ESCO1: variants seen among roughly 807,000 people sequenced by gnomAD.
The protein encoded by ESCO1 is N-acetyltransferase ESCO1.
ESCO1 carries 33 observed loss-of-function variants against 83.5 expected under a neutral mutation model. The ratio of observed to expected loss-of-function variants is 0.40; its 90% confidence interval spans 0.30 to 0.53. The LOEUF is 0.53. Among genes scored for constraint, ESCO1 ranks in the 20% least tolerant of loss-of-function variants. ESCO1 has a pLI of 0.63. For synonymous variants in ESCO1, 332 were observed against 324.3 expected, an observed-to-expected ratio of 1.02 and a Z score of -0.25; for missense variants, 855 against 968.0, an observed-to-expected ratio of 0.88 and a Z score of 1.55.
intron 1 of ESCO1, chr18:21,593,599 G>GGGAGAC (rs2038716306): frequency 1.1e-5 from 1 of 94,612 alleles, no homozygotes. Context: ...GGAGACCGTA[G>GGGAGAC]GGAGAGGGAG....
Position 21,530,448 on chromosome 18 carries a change from A to G in ESCO1, c.2418T>C (p.Ile806=). The G allele has an allele frequency of 5.7e-6, 9 of 1,589,794 alleles. No homozygotes were observed. Among genetic ancestry groups the G allele is most frequent in the Non-Finnish European group, 7.7e-6 (9 of 1,167,618 alleles). Residue 806 remains isoleucine (I), a synonymous_variant, in exon 12 of 12, where the codon ATT becomes ATC. Coordinates refer to ENST00000269214, the MANE Select transcript of ESCO1 (RefSeq NM_052911.3). ...IYGSYLSKEE[I]AFSDPTPDGK... ...CATCAGGAGTGGGATCTGAGAAAGC[A>G]ATTTCTTCTTTGCTCAAATATGAGC...
chr18:21,592,220 G>A (rs1486804570), intron 1 of ESCO1, among the ~76,000 whole-genome samples: 2 of 150,002 alleles, frequency 1.3e-5, no homozygotes, highest in Non-Finnish European at 3.0e-5. Flanking sequence ...CCGGGCAGAG[G>A]GGCTCCTCAC....
At chr18:21,588,155 T>C (rs902165252) in intron 1 of ESCO1, among the ~76,000 whole-genome samples, 13 of 148,620 alleles carry the variant, frequency 8.7e-5, no homozygotes, top group Non-Finnish European at 1.5e-5. Context: ...CTATCAGATA[T>C]CAAGATTTAC....
At chr18:21,589,913 C>T (rs2038639708) in intron 1 of ESCO1, among the ~76,000 whole-genome samples, 1 of 151,914 alleles carries the variant, frequency 6.6e-6, no homozygotes, top group Non-Finnish European at 1.5e-5. Context: ...CTGCAAGCTC[C>T]GCCTCCCGGG....
At chr18:21,542,815 C>A (rs2037923762) in intron 8 of ESCO1, among the ~76,000 whole-genome samples, 1 of 152,216 alleles carries the variant, frequency 6.6e-6, no homozygotes, top group East Asian at 1.9e-4. Flanking sequence ...AACCACATGA[C>A]CCTCCTTACT....
chr18:21,573,728 C>G lies in ESCO1; in HGVS notation c.1116G>C (p.Lys372Asn). 6.2e-7 allele frequency: 1 copy of G among 1,614,126 alleles called. No individual in the cohort carries two copies. The highest frequency in any genetic ancestry group is 8.5e-7 in the Non-Finnish European group (1 of 1,180,012). Residue 372 changes from lysine (K) to asparagine (N), a missense_variant, in exon 4 of 12, where the codon AAG (lysine) becomes AAC (asparagine). Lys to Asn is a moderately conservative substitution (Grantham distance 94). Around this residue, in one of 2 missense-constraint regions of ESCO1, gnomAD observed 726 missense variants for 699.5 expected, o/e 1.04. Coordinates refer to ENST00000269214, the MANE Select transcript of ESCO1 (RefSeq NM_052911.3). The stretch of plus-strand genomic sequence containing the variant: ...TTCCATTTAGTATACATTTCACAGG[C>G]TTTGTTTTTCTACTTGGGAAAAAAC... Reference protein sequence around the residue: ...CNRFFPSRKTKPVKCILNGIN... With the variant: ...CNRFFPSRKTNPVKCILNGIN...
At chr18:21,592,558 AC>A (rs1168145754) in intron 1 of ESCO1, among the ~76,000 whole-genome samples, 1 of 112,058 alleles carries the variant, frequency 8.9e-6, no homozygotes, top group East Asian at 2.7e-4. Flanking sequence ...CGGGGGGCTG[AC>A]CCCCCACCTC....
chr18:21,575,023 T>C lies in ESCO1; in HGVS notation c.-180A>G. 2.1e-6 allele frequency: 1 copy of C among 471,824 alleles called. No individual in the cohort carries two copies. Among genetic ancestry groups the C allele is most frequent in the Non-Finnish European group, 3.7e-6 (1 of 272,502 alleles). 29.2% of individuals were successfully genotyped at this position (471,824 alleles called of 1,614,324 possible). ...TTTGCTTCAAGTAAGGTTTCTGTCATTCCTAGAACATGAGAAAAGCTGGCA... is the reference window on the plus strand; with the variant it reads ...TTTGCTTCAAGTAAGGTTTCTGTCACTCCTAGAACATGAGAAAAGCTGGCA... On this transcript the variant is annotated 5_prime_UTR_variant, in exon 4 of 12. An upstream start codon of the reference 5' UTR is lost. Coordinates refer to ENST00000269214, the MANE Select transcript of ESCO1 (RefSeq NM_052911.3).
chr18:21,531,746 G>A (rs2037769590), intron 11 of ESCO1, among the ~76,000 whole-genome samples: 1 of 151,884 alleles, frequency 6.6e-6, no homozygotes, highest in Non-Finnish European at 1.5e-5. Context: ...TTGAGACCAG[G>A]AGTTCGAGAG....
At chr18:21,542,846 TA>T (rs1568093696) in intron 8 of ESCO1, among the ~76,000 whole-genome samples, 1 of 152,232 alleles carries the variant, frequency 6.6e-6, no homozygotes, top group East Asian at 1.9e-4. Flanking sequence ...TTAGAGGCGA[TA>T]AAGTCCATCC....
intron 7 of ESCO1, among the ~76,000 whole-genome samples, chr18:21,563,132 A>G (rs566644685): frequency 6.6e-6 from 1 of 152,026 alleles, no homozygotes; most frequent in South Asian, 2.1e-4. Flanking sequence ...CGGCCTCCCA[A>G]AGTGCTGGAA....
chr18:21,534,428 T>C (rs1426342231), intron 10 of ESCO1, among the ~76,000 whole-genome samples: 1 of 152,166 alleles, frequency 6.6e-6, no homozygotes, highest in African/African-American at 2.4e-5. Context: ...AAGATAGAAT[T>C]CAGGTCTGCC....
chr18:21,536,332 GT>G, intron 9 of ESCO1, 147 bp from the exon 10 acceptor site: 2 of 895,976 alleles, frequency 2.2e-6, no homozygotes, highest in Middle Eastern at 3.5e-4. Flanking sequence ...GTTCACACCT[GT>G]AATCCTACCA....
intron 10 of ESCO1, among the ~76,000 whole-genome samples, chr18:21,534,928 G>A (rs917060829): frequency 6.6e-6 from 1 of 151,992 alleles, no homozygotes; most frequent in Non-Finnish European, 1.5e-5. Context: ...CTGGTGGTGT[G>A]GGCCTTTTAT....
In ESCO1 at chr18:21,540,021, T is replaced by C. The variant is rs767256888; in HGVS notation, c.1954-12A>G. On this transcript the variant is annotated splice_polypyrimidine_tract_variant and intron_variant, in intron 8 of 11. Transcript: ENST00000269214. ...TCTTTCTTCCAGCCCTAGATATATA[T>C]ATATATATATACACACATATGTAAA... is the stretch of plus-strand genomic sequence containing the variant. The C allele has an allele frequency of 5.6e-5, 86 of 1,544,672 alleles. No homozygotes were observed. The South Asian group carries it at 5.7e-4, about 10-fold the overall frequency.
At chr18:21,562,210 G>C (rs1220645501) in intron 7 of ESCO1, among the ~76,000 whole-genome samples, 1 of 152,072 alleles carries the variant, frequency 6.6e-6, no homozygotes, top group African/African-American at 2.4e-5. Context: ...TAAAAGTCTG[G>C]GGGGCCACCT....
intron 11 of ESCO1, among the ~76,000 whole-genome samples, chr18:21,531,598 T>C (rs2037767637): frequency 6.6e-6 from 1 of 152,096 alleles, no homozygotes; most frequent in Non-Finnish European, 1.5e-5. Flanking sequence ...GGTGGTGAAC[T>C]GCTTGAGCCC....
intron 1 of ESCO1, among the ~76,000 whole-genome samples, chr18:21,588,775 G>A (rs1051491225): frequency 2.0e-4 from 31 of 151,978 alleles, no homozygotes; most frequent in Non-Finnish European, 7.4e-5. Flanking sequence ...AAATAGCCGG[G>A]CATGGTGGCG....
At chr18:21,561,244 C>T (rs1337810234) in intron 7 of ESCO1, among the ~76,000 whole-genome samples, 1 of 152,130 alleles carries the variant, frequency 6.6e-6, no homozygotes, top group Non-Finnish European at 1.5e-5. Flanking sequence ...TTTAATATTA[C>T]AAACTTAGTC....
Sources: allele counts gnomAD v4.1 joint callset (sites outside exome capture counted in the v4.1 genomes callset), GRCh38; gene constraint gnomAD v4.1.1; regional missense constraint gnomAD v4.1.1; transcripts MANE v1.5; gene names NCBI Gene and HGNC (gene_info 2026-07-23, HGNC 2026-07-21).